HNRNPR: variants seen among roughly 807,000 people sequenced by gnomAD.
The protein encoded by HNRNPR is heterogeneous nuclear ribonucleoprotein R.
HNRNPR carries 4 observed loss-of-function variants against 70.3 expected under a neutral mutation model. The observed-to-expected ratio is 0.06, with a 90% CI of 0.03 to 0.13. The LOEUF (loss-of-function observed/expected upper bound fraction) is 0.13. HNRNPR is among the 10% of genes least tolerant of loss of function. HNRNPR has a pLI of 1.00. For synonymous variants in HNRNPR, 241 were observed against 267.6 expected, an observed-to-expected ratio of 0.90 and a Z score of 0.97; for missense variants, 423 against 788.5, an observed-to-expected ratio of 0.54 and a Z score of 5.55.
intron 4 of HNRNPR, among the ~76,000 whole-genome samples, chr1:23,336,048 C>A (rs1646464374): frequency 1.5e-5 from 2 of 131,408 alleles, no homozygotes; most frequent in Non-Finnish European, 1.6e-5. Flanking sequence ...ACCCGGGAGG[C>A]GGAGCTTGCA....
rs762721806 is a variant in HNRNPR at position 23,318,738 on chromosome 1, C to T, written c.812-50G>A. The T allele has an allele frequency of 5.1e-6, 8 of 1,579,152 alleles. No homozygotes were observed. In the East Asian group the frequency reaches 1.6e-4, roughly 31 times the overall value. On this transcript the variant is annotated intron_variant, in intron 7 of 10. Coordinates refer to ENST00000302271, the MANE Select transcript of HNRNPR (RefSeq NM_005826.5). The surrounding 1 kb of genome is among the most constrained non-coding windows in gnomAD (Gnocchi z 4.2). ...TAAGCCAAAAGCATCCACCACACAT[C>T]TAGCGATTAGGCAGACCTAAATCCA...
chr1:23,323,215 A>T (rs1460805088), intron 6 of HNRNPR, among the ~76,000 whole-genome samples: 2 of 152,204 alleles, frequency 1.3e-5, no homozygotes, highest in African/African-American at 4.8e-5. Flanking sequence ...TACTTTAAGA[A>T]TCCTAAAGTT....
In HNRNPR at chr1:23,311,188, AATGT is replaced by A. The variant is rs1279222924; in HGVS notation, c.1289+9_1289+12del. On this transcript the variant is annotated intron_variant, in intron 10 of 10. Transcript: ENST00000302271. Reference sequence around the variant, plus strand: ...CCTTGTCCAAAGATATATCTACTAAAATGTAGACTCACGCAGTGCTTCTGGAGGC... The same window carrying A: ...CCTTGTCCAAAGATATATCTACTAAAAGACTCACGCAGTGCTTCTGGAGGC... 1.2e-6 allele frequency: 2 copies of A among 1,613,288 alleles called. No homozygotes were observed. Among genetic ancestry groups the A allele is most frequent in the Non-Finnish European group, 1.7e-6 (2 of 1,179,796 alleles).
intron 7 of HNRNPR, 102 bp downstream of exon 7, chr1:23,321,426 G>T: frequency 1.0e-6 from 1 of 976,588 alleles, no homozygotes; most frequent in Non-Finnish European, 1.5e-6. Flanking sequence ...CTTCAGACCT[G>T]AATTCTTAAT....
chr1:23,341,702 T>C (rs190789814), intron 1 of HNRNPR, among the ~76,000 whole-genome samples: 60 of 152,296 alleles, frequency 3.9e-4, no homozygotes, highest in African/African-American at 1.4e-3. Flanking sequence ...AAGTGAGCTA[T>C]AGTTTAGGTT....
At chr1:23,331,806 A>AGTC (rs1466595242) in intron 5 of HNRNPR, among the ~76,000 whole-genome samples, 1 of 123,212 alleles carries the variant, frequency 8.1e-6, no homozygotes, top group Non-Finnish European at 1.6e-5. Context: ...ACTAAACTCC[A>AGTC]GTCTGGGTGA....
At position 23,309,023 on chromosome 1, in the gene HNRNPR, T is replaced by C. The variant is rs1461471996; in HGVS notation, c.*1431A>G. 6.6e-6 allele frequency: 1 copy of C among 152,096 alleles called. No homozygotes were observed. The highest frequency in any genetic ancestry group is 2.4e-5 in the African/African-American group (1 of 41,440). 9.4% of individuals were successfully genotyped at this position (152,096 alleles called of 1,614,324 possible). A position where few individuals can be genotyped will look rare whatever the true frequency, so the allele number is the denominator to read the frequency against. On this transcript the variant is annotated 3_prime_UTR_variant, in exon 11 of 11. Coordinates refer to ENST00000302271, the MANE Select transcript of HNRNPR (RefSeq NM_005826.5). ...TCTGTACCGTAAAGCTTAGATTCTT[T>C]TGTTCCTCTCATTCTCAAGCAAAAA...
chr1:23,318,666 G>C lies in HNRNPR; in HGVS notation c.834C>G (p.Leu278=). The C allele has an allele frequency of 1.2e-6, 2 of 1,614,166 alleles. No individual in the cohort carries two copies. The highest frequency in any genetic ancestry group is 4.5e-5 in the East Asian group (2 of 44,876). The change falls in exon 8 of 11, where the codon CTC becomes CTG. Residue 278 remains leucine, a synonymous_variant. Transcript: ENST00000302271. This position sits in a 1 kb window ranked among gnomAD's most constrained non-coding sequence, Gnocchi z 4.2. The part of the protein sequence containing the change: ...KVTEGLVDVI[L]YHQPDDKKKN... ...TCTTTTTGTCATCGGGTTGATGATA[G>C]AGAATAACGTCCACCAAACCCTCTG...
At chr1:23,314,304 T>TA (rs1645448695) in intron 8 of HNRNPR, among the ~76,000 whole-genome samples, 1 of 152,128 alleles carries the variant, frequency 6.6e-6, no homozygotes, top group Non-Finnish European at 1.5e-5. Flanking sequence ...GATTCCTTTA[T>TA]ATAACACTGG....
intron 4 of HNRNPR, among the ~76,000 whole-genome samples, chr1:23,336,883 G>T (rs1646514862): frequency 6.6e-6 from 1 of 151,966 alleles, no homozygotes; most frequent in Middle Eastern, 3.4e-3. Context: ...CCTTTTCAAA[G>T]CTGTTTATCT....
At chr1:23,314,707 T>C (rs1266565786) in intron 8 of HNRNPR, among the ~76,000 whole-genome samples, 4 of 152,216 alleles carry the variant, frequency 2.6e-5, no homozygotes, top group Non-Finnish European at 1.5e-5. Flanking sequence ...TTGTCAAGAA[T>C]GAGGAAAATA....
chr1:23,309,007 T>C lies in HNRNPR; in HGVS notation c.*1447A>G, dbSNP rs927958945. On this transcript the variant is annotated 3_prime_UTR_variant, in exon 11 of 11. Coordinates refer to ENST00000302271, the MANE Select transcript of HNRNPR (RefSeq NM_005826.5). Reference sequence around the variant, plus strand: ...GAAAGTGATTCACTTTTCTGTACCGTAAAGCTTAGATTCTTTTGTTCCTCT... The same window carrying C: ...GAAAGTGATTCACTTTTCTGTACCGCAAAGCTTAGATTCTTTTGTTCCTCT... The C allele has an allele frequency of 6.6e-6, 1 of 152,082 alleles. No individual in the cohort carries two copies. Among genetic ancestry groups the C allele is most frequent in the Non-Finnish European group, 1.5e-5 (1 of 67,946 alleles). 9.4% of individuals were successfully genotyped at this position (152,082 alleles called of 1,614,324 possible).
chr1:23,318,847 T>G lies in HNRNPR; in HGVS notation c.812-159A>C, dbSNP rs1645647455. 1 of 663,360 alleles carries G rather than the reference T, an allele frequency of 1.5e-6. No homozygotes were observed. The highest frequency in any genetic ancestry group is 1.8e-5 in the African/African-American group (1 of 55,118). 41.1% of individuals were successfully genotyped at this position (663,360 alleles called of 1,614,324 possible). On this transcript the variant is annotated intron_variant, in intron 7 of 10. Transcript: ENST00000302271. This position sits in a 1 kb window ranked among gnomAD's most constrained non-coding sequence, Gnocchi z 4.2. ...ACAATTAGATCAACATAATTAGATA[T>G]GGGGTTTGGGACAGTATTTGATGTT...
intron 1 of HNRNPR, among the ~76,000 whole-genome samples, chr1:23,341,735 A>C (rs915017144): frequency 6.6e-6 from 1 of 152,216 alleles, no homozygotes; most frequent in African/African-American, 2.4e-5. Context: ...AAAAGAGTAC[A>C]TGTTGAAATT....
At chr1:23,340,763 A>G in intron 2 of HNRNPR, 89 bp downstream of exon 2, 4 of 1,027,722 alleles carry the variant, frequency 3.9e-6, no homozygotes, top group Non-Finnish European at 5.7e-6. Flanking sequence ...AGAAACAATA[A>G]GTATTATTTA....
intron 1 of HNRNPR, among the ~76,000 whole-genome samples, chr1:23,342,166 A>T (rs1646726948): frequency 6.6e-6 from 1 of 152,230 alleles, no homozygotes; most frequent in Non-Finnish European, 1.5e-5. Context: ...TCTCCTACAA[A>T]GTACTAAGAC....
intron 7 of HNRNPR, among the ~76,000 whole-genome samples, chr1:23,320,359 G>A (rs1487220973): frequency 6.6e-6 from 1 of 152,138 alleles, no homozygotes; most frequent in Non-Finnish European, 1.5e-5. Context: ...TAGAATTTCT[G>A]GTGACTAGAT....
chr1:23,324,637 CCTCT>C (rs1250701258), intron 5 of HNRNPR, among the ~76,000 whole-genome samples: 4 of 152,138 alleles, frequency 2.6e-5, no homozygotes, highest in East Asian at 1.9e-4. Context: ...TCAATCTATT[CCTCT>C]CTCTATCCAG....
Position 23,310,089 on chromosome 1 carries a change from T to C in HNRNPR, c.*365A>G, listed in dbSNP as rs1338449654. The C allele has an allele frequency of 1.8e-5, 3 of 167,174 alleles. No homozygotes were observed. Among genetic ancestry groups the C allele is most frequent in the Non-Finnish European group, 3.8e-5 (3 of 78,248 alleles). 10.4% of individuals were successfully genotyped at this position (167,174 alleles called of 1,614,324 possible). A position where few individuals can be genotyped will look rare whatever the true frequency, so the allele number is the denominator to read the frequency against. On this transcript the variant is annotated 3_prime_UTR_variant, in exon 11 of 11. Coordinates refer to ENST00000302271, the MANE Select transcript of HNRNPR (RefSeq NM_005826.5). This position sits in a 1 kb window ranked among gnomAD's most constrained non-coding sequence, Gnocchi z 6.0. ...GTATTTTTATTTACAGCATACTCCA[T>C]ACTCCTATGTAATCTATCCCAAATC...
Sources: gnomAD v4.1 joint callset for allele counts (sites outside exome capture counted in the v4.1 genomes callset) on GRCh38, gnomAD v4.1.1 for gene constraint, Gnocchi (gnomAD v3.1) non-coding constraint, MANE v1.5 for transcripts, NCBI Gene and HGNC (gene_info 2026-07-23, HGNC 2026-07-21) for gene names.